Variants in OSBPL6 observed in about 807,000 individuals in gnomAD.
OSBPL6 encodes the protein oxysterol-binding protein-related protein 6.
A neutral mutation model predicts 125.8 loss-of-function variants in OSBPL6; 49 were observed. The ratio of observed to expected loss-of-function variants is 0.39; its 90% CI spans 0.31 to 0.49. OSBPL6 has a LOEUF of 0.49. Ranked by LOEUF, OSBPL6 falls within the 20% of genes least tolerant of loss-of-function variation. OSBPL6 has a pLI of 0.88. For synonymous variants in OSBPL6, 394 were observed against 391.8 expected, an observed-to-expected ratio of 1.01 and a Z score of -0.07; for missense variants, 986 against 1,135.4, an observed-to-expected ratio of 0.87 and a Z score of 1.89.
intron 1 of OSBPL6, among the ~76,000 whole-genome samples, chr2:178,207,499 A>C (rs986563285): frequency 6.6e-6 from 1 of 152,194 alleles, no homozygotes; most frequent in Non-Finnish European, 1.5e-5. Flanking sequence ...ATATAAGGTA[A>C]TATCTACAAG....
intron 1 of OSBPL6, among the ~76,000 whole-genome samples, chr2:178,259,762 G>C (rs796769189): frequency 6.6e-6 from 1 of 152,142 alleles, no homozygotes; most frequent in Non-Finnish European, 1.5e-5. Flanking sequence ...TTTGACAGGC[G>C]GCAGTTTCTA....
intron 1 of OSBPL6, among the ~76,000 whole-genome samples, chr2:178,282,833 A>G (rs949281702): frequency 1.6e-4 from 24 of 151,976 alleles, no homozygotes; most frequent in African/African-American, 5.8e-4. Context: ...TTGTATTTTT[A>G]GTAGAGATGG....
chr2:178,289,105 C>T (rs1684999854), intron 2 of OSBPL6, among the ~76,000 whole-genome samples: 1 of 148,008 alleles, frequency 6.8e-6, no homozygotes, highest in Non-Finnish European at 1.5e-5. Flanking sequence ...GCAACCTCTG[C>T]CTTCTGGGCT....
chr2:178,232,929 A>T (rs2090896542), intron 1 of OSBPL6, among the ~76,000 whole-genome samples: 1 of 152,150 alleles, frequency 6.6e-6, no homozygotes, highest in Non-Finnish European at 1.5e-5. Context: ...CTTCAGAATA[A>T]CTCAGAACAC....
At chr2:178,244,808 G>A (rs149201312) in intron 1 of OSBPL6, among the ~76,000 whole-genome samples, 1 of 152,266 alleles carries the variant, frequency 6.6e-6, no homozygotes, top group African/African-American at 2.4e-5. Flanking sequence ...TAAAATGTAT[G>A]AGCGAGCCCT....
chr2:178,344,452 G>T, intron 11 of OSBPL6: 1 of 1,240,628 alleles, frequency 8.1e-7, no homozygotes, highest in Non-Finnish European at 1.2e-6. Flanking sequence ...CCACTGGTGT[G>T]TGATGGCATC....
At chr2:178,328,648 T>C (rs1449328032) in intron 5 of OSBPL6, among the ~76,000 whole-genome samples, 1 of 152,110 alleles carries the variant, frequency 6.6e-6, no homozygotes, top group Non-Finnish European at 1.5e-5. Context: ...CCACCATGCC[T>C]GACTAATTTT....
chr2:178,336,171 G>C, intron 8 of OSBPL6, 130 bp from the exon 9 acceptor site: 1 of 1,191,830 alleles, frequency 8.4e-7, no homozygotes. Context: ...TTAGCCAAGA[G>C]GCTTCTTCCA....
At chr2:178,257,820 G>C (rs1413925210) in intron 1 of OSBPL6, among the ~76,000 whole-genome samples, 1 of 148,484 alleles carries the variant, frequency 6.7e-6, no homozygotes, top group African/African-American at 2.5e-5. Context: ...TTTGAGACCA[G>C]ATCTTGCTCT....
At chr2:178,255,364 G>T (rs953958340) in intron 1 of OSBPL6, among the ~76,000 whole-genome samples, 1 of 152,142 alleles carries the variant, frequency 6.6e-6, no homozygotes, top group Non-Finnish European at 1.5e-5. Flanking sequence ...CAGGGGAACT[G>T]CCCTTTTATA....
At chr2:178,202,835 A>C (rs1166942020) in intron 1 of OSBPL6, among the ~76,000 whole-genome samples, 2 of 150,964 alleles carry the variant, frequency 1.3e-5, no homozygotes, top group African/African-American at 2.4e-5. Flanking sequence ...AAAAAAAAAA[A>C]GAAAGAAAGA....
intron 12 of OSBPL6, among the ~76,000 whole-genome samples, chr2:178,351,848 G>A (rs1691290945): frequency 6.6e-6 from 1 of 152,148 alleles, no homozygotes; most frequent in South Asian, 2.1e-4. Flanking sequence ...GAGGGTGGAG[G>A]GTGGGAGGAG....
In OSBPL6 at chr2:178,402,220, G is replaced by A. The variant is rs563710864; in HGVS notation, c.*6661G>A. 6.6e-6 allele frequency: 1 copy of A among 152,292 alleles called. No individual in the cohort carries two copies. Among genetic ancestry groups the A allele is most frequent in the African/African-American group, 2.4e-5 (1 of 41,554 alleles). 9.4% of individuals were successfully genotyped at this position (152,292 alleles called of 1,614,324 possible). ...TGTCCCAACGCCAGCCCTGTAATAT[G>A]GAGATAAAGAGTGGGGAGGACAGAA... On this transcript the variant is annotated 3_prime_UTR_variant, in exon 25 of 25. Transcript: ENST00000190611.
At chr2:178,228,147 A>C (rs1401389935) in intron 1 of OSBPL6, among the ~76,000 whole-genome samples, 1 of 152,264 alleles carries the variant, frequency 6.6e-6, no homozygotes, top group Non-Finnish European at 1.5e-5. Context: ...AGCACTTACA[A>C]AGATATTCCA....
At chr2:178,283,312 G>C (rs77255621) in intron 1 of OSBPL6, among the ~76,000 whole-genome samples, 395 of 152,110 alleles carry the variant, frequency 2.6e-3, no homozygotes, top group Middle Eastern at 6.8e-3. Flanking sequence ...TGCAGTTTCA[G>C]TAAGTTGTAG....
At chr2:178,197,031 ATT>A (rs5836646) in intron 1 of OSBPL6, among the ~76,000 whole-genome samples, 1 of 140,954 alleles carries the variant, frequency 7.1e-6, no homozygotes, top group Admixed American at 7.0e-5. Context: ...CTCTCTGACC[ATT>A]TTTTTTTTTT....
At chr2:178,283,019 G>A (rs572815225) in intron 1 of OSBPL6, among the ~76,000 whole-genome samples, 2 of 152,244 alleles carry the variant, frequency 1.3e-5, no homozygotes, top group South Asian at 2.1e-4. Flanking sequence ...AGATTAAAGA[G>A]CATAGACTGA....
intron 2 of OSBPL6, among the ~76,000 whole-genome samples, chr2:178,305,763 A>G (rs758246547): frequency 5.3e-5 from 8 of 152,066 alleles, no homozygotes; most frequent in Non-Finnish European, 1.2e-4. Flanking sequence ...TAGCGTTATA[A>G]TCTGCTTTAA....
At chr2:178,382,320 TCTCACTG>T in intron 15 of OSBPL6, 93 bp from the exon 16 acceptor site, 1 of 1,409,866 alleles carries the variant, frequency 7.1e-7, no homozygotes, top group South Asian at 1.5e-5. Context: ...GACCTCTGCT[TCTCACTG>T]GAACAATATT....
Sources: gnomAD v4.1 joint callset for allele counts (sites outside exome capture counted in the v4.1 genomes callset) on GRCh38, gnomAD v4.1.1 for gene constraint, MANE v1.5 for transcripts, NCBI Gene and HGNC (gene_info 2026-07-23, HGNC 2026-07-21) for gene names.